The following ARHGEF6 variants were observed in gnomAD, a reference collection of about 807,000 sequenced individuals.
ARHGEF6 encodes rho guanine nucleotide exchange factor 6.
In ARHGEF6, 9 loss-of-function variants were observed where a neutral mutation model predicts 70.3. That is an observed-to-expected ratio of 0.13 (90% confidence interval 0.08 to 0.22). The LOEUF (loss-of-function observed/expected upper bound fraction) is 0.22, where lower values mean the gene tolerates loss of function less well. ARHGEF6 is among the 10% of genes least tolerant of loss of function. The probability of loss-of-function intolerance (pLI) is 1.00; values close to 1 mark genes in which losing one functional copy is unlikely to be tolerated. For missense variants in ARHGEF6, 470 were observed against 563.0 expected, an observed-to-expected ratio of 0.83 and a Z score of 1.67; for synonymous variants, 201 against 207.8, an observed-to-expected ratio of 0.97 and a Z score of 0.28.
chrX:136,710,330 CATATATAT>C (rs59532724), intron 7 of ARHGEF6, among the ~76,000 whole-genome samples: 1 of 87,564 alleles, frequency 1.1e-5, no homozygotes, highest in South Asian at 5.9e-4. Context: ...ATATATTATA[CATATATAT>C]ATATATATAT....
At chrX:136,716,718 A>G (rs1477187602) in intron 6 of ARHGEF6, among the ~76,000 whole-genome samples, 3 of 112,432 alleles carry the variant, frequency 2.7e-5, no homozygotes, top group African/African-American at 6.5e-5. Context: ...CAGAAAAAGT[A>G]GACAACGTGC....
intron 19 of ARHGEF6, among the ~76,000 whole-genome samples, chrX:136,674,605 GT>G (rs1393321215): frequency 8.9e-6 from 1 of 112,247 alleles, no homozygotes; most frequent in African/African-American, 3.2e-5. Context: ...ATCAAAGATA[GT>G]ATTTTGACTT....
chrX:136,686,376 TATA>T (rs1322829838), intron 11 of ARHGEF6, among the ~76,000 whole-genome samples: 8 of 108,845 alleles, frequency 7.3e-5, no homozygotes, highest in African/African-American at 2.7e-4. Context: ...GAATCAAACT[TATA>T]ATGAAACCTA....
At chrX:136,768,823 C>T (rs1205188767) in intron 2 of ARHGEF6, among the ~76,000 whole-genome samples, 2 of 111,218 alleles carry the variant, frequency 1.8e-5, no homozygotes, top group African/African-American at 6.5e-5. Flanking sequence ...AATCGTCCAT[C>T]CCACAAGCCT....
At chrX:136,754,807 C>T (rs1019383438) in intron 2 of ARHGEF6, among the ~76,000 whole-genome samples, 4 of 111,319 alleles carry the variant, frequency 3.6e-5, no homozygotes, top group African/African-American at 6.5e-5. Flanking sequence ...TCCCACCCCT[C>T]CTCCTGTGCT....
intron 11 of ARHGEF6, among the ~76,000 whole-genome samples, chrX:136,686,695 CACATATATATATACAT>C (rs2076402889): frequency 3.9e-4 from 17 of 43,169 alleles, no homozygotes; most frequent in Admixed American, 3.7e-3. Context: ...TATATATATA[CACATATATATATACAT>C]ATATATATAT....
chrX:136,678,396 T>C (rs759906414), intron 16 of ARHGEF6, among the ~76,000 whole-genome samples: 17 of 112,234 alleles, frequency 1.5e-4, no homozygotes, highest in Non-Finnish European at 2.8e-4. Context: ...GTGGCACTCC[T>C]GGTTTACATA....
intron 9 of ARHGEF6, among the ~76,000 whole-genome samples, chrX:136,698,077 A>C (rs2080148851): frequency 8.9e-6 from 1 of 112,306 alleles, no homozygotes; most frequent in Non-Finnish European, 1.9e-5. Context: ...AAGAAAGAAG[A>C]AGAACCAAAT....
At chrX:136,759,829 C>T (rs377409118) in intron 2 of ARHGEF6, among the ~76,000 whole-genome samples, 41 of 111,799 alleles carry the variant, frequency 3.7e-4, no homozygotes, top group African/African-American at 1.2e-3. Flanking sequence ...CATGTCTGAT[C>T]TCTGGAATAA....
chrX:136,751,128 C>T (rs775091772), intron 2 of ARHGEF6, among the ~76,000 whole-genome samples: 49 of 111,849 alleles, frequency 4.4e-4, no homozygotes, highest in African/African-American at 1.5e-3. Flanking sequence ...TGAGCCACCG[C>T]GCCCAGCCCA....
At chrX:136,737,928 C>T (rs2077003005) in intron 5 of ARHGEF6, among the ~76,000 whole-genome samples, 1 of 107,161 alleles carries the variant, frequency 9.3e-6, no homozygotes, top group African/African-American at 3.4e-5. Context: ...TGAAGCTAGT[C>T]TCTTCCATTG....
chrX:136,725,062 T>C (rs890173167), intron 6 of ARHGEF6, among the ~76,000 whole-genome samples: 6 of 111,540 alleles, frequency 5.4e-5, no homozygotes, highest in African/African-American at 2.0e-4. Flanking sequence ...GGGGCTCTTG[T>C]ACCTGAAATT....
intron 11 of ARHGEF6, among the ~76,000 whole-genome samples, chrX:136,686,604 A>G (rs1390167415): frequency 1.3e-5 from 1 of 75,956 alleles, no homozygotes; most frequent in Admixed American, 1.5e-4. Context: ...GTATATATAT[A>G]TATATATATA....
At chrX:136,743,436 T>C in intron 5 of ARHGEF6, 149 bp downstream of exon 5, 1 of 516,170 alleles carries the variant, frequency 1.9e-6, no homozygotes, top group Non-Finnish European at 3.2e-6. Context: ...ATCACAGATT[T>C]TTCCCAGTTC....
At chrX:136,767,131 C>G (rs1283806280) in intron 2 of ARHGEF6, 8 of 753,897 alleles carry the variant, frequency 1.1e-5, no homozygotes, top group Non-Finnish European at 7.8e-6. Context: ...CCTTTTGCCC[C>G]CAGGCAGGTC....
At chrX:136,734,993 T>C (rs2076971810) in intron 5 of ARHGEF6, among the ~76,000 whole-genome samples, 1 of 112,079 alleles carries the variant, frequency 8.9e-6, no homozygotes, top group Admixed American at 9.4e-5. Flanking sequence ...TTCAACTTAA[T>C]AAAGTGCATC....
At chrX:136,768,213 A>G (rs1221101996) in intron 2 of ARHGEF6, among the ~76,000 whole-genome samples, 1 of 112,165 alleles carries the variant, frequency 8.9e-6, no homozygotes, top group Non-Finnish European at 1.9e-5. Flanking sequence ...GCCCCAAATC[A>G]AATAGTCTCT....
chrX:136,711,478 A>G (rs1228765747), intron 7 of ARHGEF6, among the ~76,000 whole-genome samples: 1 of 111,981 alleles, frequency 8.9e-6, no homozygotes, highest in Non-Finnish European at 1.9e-5. Flanking sequence ...TGATTTACAG[A>G]TTTACTTCAG....
intron 7 of ARHGEF6, among the ~76,000 whole-genome samples, chrX:136,712,300 A>G (rs764348879): frequency 1.8e-5 from 2 of 111,303 alleles, no homozygotes; most frequent in Non-Finnish European, 3.8e-5. Context: ...TTTAGTAGAA[A>G]CAAGGTTTCA....
Sources: gnomAD v4.1 joint callset for allele counts (sites outside exome capture counted in the v4.1 genomes callset) on GRCh38, gnomAD v4.1.1 for gene constraint, MANE v1.5 for transcripts, NCBI Gene and HGNC (gene_info 2026-07-23, HGNC 2026-07-21) for gene names.